Variants in NIBAN1 observed in about 807,000 individuals in gnomAD.
NIBAN1 encodes the protein niban apoptosis regulator 1, also known as protein Niban 1.
In NIBAN1, 81 loss-of-function variants were observed where a neutral mutation model predicts 75.1. The ratio of observed to expected loss-of-function variants is 1.08; its 90% CI spans 0.90 to 1.30. NIBAN1 has a LOEUF of 1.30. Among genes scored for constraint, NIBAN1 ranks in the 50% most tolerant of loss-of-function variants. The pLI, the probability that NIBAN1 is intolerant of heterozygous loss-of-function variation, is 0.00. For synonymous variants in NIBAN1, 436 were observed against 424.8 expected (o/e 1.03, Z -0.32); for missense variants, 1,133 against 1,128.1 (o/e 1.00, Z -0.06).
chr1:184,831,892 C>T lies in NIBAN1; in HGVS notation c.672G>A (p.Lys224=). The T allele has an allele frequency of 6.8e-6, 11 of 1,614,160 alleles. No homozygotes were observed. Among genetic ancestry groups the T allele is most frequent in the Non-Finnish European group, 8.5e-6 (10 of 1,180,012 alleles). The change falls in exon 6 of 14, where the codon AAG becomes AAA. Residue 224 remains lysine, a synonymous_variant. Transcript: ENST00000367511. The part of the protein sequence containing the change: ...LEAVQFFRQE[K]GHYGSWEMIT... ...TCATTTCCCAGGAACCATAGTGACC[C>T]TTCTCCTGTCGGAAGAATTGCACAG...
intron 9 of NIBAN1, among the ~76,000 whole-genome samples, chr1:184,810,137 AT>A (rs1247667630): frequency 6.6e-6 from 1 of 152,226 alleles, no homozygotes; most frequent in African/African-American, 2.4e-5. Context: ...ACAATTATAT[AT>A]GTGTATATAT....
chr1:184,867,890 T>A (rs1655999447), intron 5 of NIBAN1: 1 of 985,406 alleles, frequency 1.0e-6, no homozygotes, highest in Non-Finnish European at 1.2e-6. Context: ...TTGTTCCAGC[T>A]TTTGTCTACC....
intron 1 of NIBAN1, among the ~76,000 whole-genome samples, chr1:184,970,842 T>G (rs768546797): frequency 2.2e-4 from 33 of 152,214 alleles, no homozygotes; most frequent in South Asian, 4.1e-4. Flanking sequence ...CAGGTTTGCT[T>G]TCTTTTTGAT....
intron 1 of NIBAN1, among the ~76,000 whole-genome samples, chr1:184,934,253 G>A (rs35580029): frequency 0.035 from 5,278 of 152,214 alleles, 135 homozygotes; most frequent in Non-Finnish European, 0.059. Flanking sequence ...TTACTTATAA[G>A]TGGGAAGTAA....
intron 5 of NIBAN1, among the ~76,000 whole-genome samples, chr1:184,876,778 C>G (rs560375988): frequency 6.6e-6 from 1 of 152,004 alleles, no homozygotes; most frequent in Non-Finnish European, 1.5e-5. Context: ...AAAGAGAACA[C>G]CTAAGATGAT....
chr1:184,866,337 A>C (rs904147051), intron 5 of NIBAN1, among the ~76,000 whole-genome samples: 1 of 152,176 alleles, frequency 6.6e-6, no homozygotes, highest in Non-Finnish European at 1.5e-5. Context: ...ATTTAACCTA[A>C]GGCCTTCAGA....
chr1:184,973,965 C>T (rs1209251864), intron 1 of NIBAN1, among the ~76,000 whole-genome samples: 1 of 152,190 alleles, frequency 6.6e-6, no homozygotes, highest in African/African-American at 2.4e-5. Flanking sequence ...AGTTCAGAAA[C>T]CGCTCAGAAC....
At chr1:184,861,028 A>G (rs1025718503) in intron 5 of NIBAN1, among the ~76,000 whole-genome samples, 1 of 152,364 alleles carries the variant, frequency 6.6e-6, no homozygotes, top group South Asian at 2.1e-4. Flanking sequence ...AGTATTTTCT[A>G]GACCAGGGGT....
intron 2 of NIBAN1, among the ~76,000 whole-genome samples, chr1:184,896,371 T>C (rs1656801890): frequency 6.6e-6 from 1 of 152,226 alleles, no homozygotes; most frequent in African/African-American, 2.4e-5. Context: ...GAGAAATGTC[T>C]GTTCATGTCC....
At chr1:184,941,773 C>G (rs1658094449) in intron 1 of NIBAN1, among the ~76,000 whole-genome samples, 1 of 151,930 alleles carries the variant, frequency 6.6e-6, no homozygotes, top group South Asian at 2.1e-4. Flanking sequence ...ACTCTGTTTA[C>G]TAAATGCCAG....
intron 5 of NIBAN1, among the ~76,000 whole-genome samples, chr1:184,857,586 A>G (rs1428243896): frequency 3.3e-5 from 5 of 152,222 alleles, no homozygotes; most frequent in Non-Finnish European, 7.3e-5. Context: ...GAAAAGTATT[A>G]TACGACTGAA....
chr1:184,950,695 G>C (rs372153464), intron 1 of NIBAN1, among the ~76,000 whole-genome samples: 1 of 152,154 alleles, frequency 6.6e-6, no homozygotes, highest in South Asian at 2.1e-4. Context: ...TTTCGATTAG[G>C]TTATGCTAGA....
chr1:184,889,155 T>C (rs1387641212), intron 4 of NIBAN1, among the ~76,000 whole-genome samples: 1 of 152,240 alleles, frequency 6.6e-6, no homozygotes, highest in Non-Finnish European at 1.5e-5. Context: ...CATGAATCTC[T>C]ATGAATTGCC....
intron 1 of NIBAN1, among the ~76,000 whole-genome samples, chr1:184,961,040 C>T (rs1571607351): frequency 6.7e-6 from 1 of 148,940 alleles, no homozygotes; most frequent in Non-Finnish European, 1.5e-5. Flanking sequence ...CCCCTCCTCC[C>T]CCTTCTATAT....
At chr1:184,854,011 TTTTA>T (rs1655612563) in intron 5 of NIBAN1, among the ~76,000 whole-genome samples, 1 of 152,226 alleles carries the variant, frequency 6.6e-6, no homozygotes, top group Admixed American at 6.5e-5. Context: ...AATGATAATG[TTTTA>T]TTTAACCCCA....
intron 10 of NIBAN1, among the ~76,000 whole-genome samples, chr1:184,807,078 T>C (rs903247153): frequency 3.3e-5 from 5 of 152,166 alleles, no homozygotes. Context: ...CCACAATATA[T>C]ACCTTTATCA....
At chr1:184,865,027 A>G (rs1384818487) in intron 5 of NIBAN1, among the ~76,000 whole-genome samples, 2 of 151,868 alleles carry the variant, frequency 1.3e-5, no homozygotes, top group East Asian at 1.9e-4. Flanking sequence ...ATCACTAATC[A>G]TCAGAGAAAT....
At position 184,900,374 on chromosome 1, in the gene NIBAN1, C is replaced by A. The variant is rs534485874; in HGVS notation, c.56-1065G>T. Reference sequence around the variant, plus strand: ...ACAACCTCAGTCAAGTCATTCGACTCTCAAGGCTCCAGAATCCTAACTATA... The same window carrying A: ...ACAACCTCAGTCAAGTCATTCGACTATCAAGGCTCCAGAATCCTAACTATA... On this transcript the variant is annotated intron_variant, in intron 1 of 13. Coordinates refer to ENST00000367511, the MANE Select transcript of NIBAN1 (RefSeq NM_052966.4). Among the ~76,000 whole-genome samples, 19 of 152,304 alleles carry A rather than the reference C, an allele frequency of 1.2e-4. No homozygotes were observed. In the South Asian group the frequency reaches 3.7e-3, roughly 30 times the overall value.
intron 5 of NIBAN1, among the ~76,000 whole-genome samples, chr1:184,882,871 T>C (rs867920212): frequency 2.2e-4 from 34 of 152,338 alleles, no homozygotes; most frequent in African/African-American, 7.2e-4. Flanking sequence ...CAGTCAGTGC[T>C]GGGCAATTTT....
Sources: allele counts gnomAD v4.1 joint callset (sites outside exome capture counted in the v4.1 genomes callset), GRCh38; gene constraint gnomAD v4.1.1; transcripts MANE v1.5; gene names NCBI Gene and HGNC (gene_info 2026-07-23, HGNC 2026-07-21).